Variants in CFAP47 observed in about 807,000 individuals in gnomAD.
CFAP47 encodes cilia- and flagella-associated protein 47.
A neutral mutation model predicts 148.1 loss-of-function variants in CFAP47; 29 were observed. The ratio of observed to expected loss-of-function variants is 0.20; its 90% confidence interval spans 0.15 to 0.27. The LOEUF is 0.27. CFAP47 is among the 10% of genes least tolerant of loss of function. CFAP47 has a pLI of 1.00. For synonymous variants in CFAP47, 664 were observed against 577.3 expected, an observed-to-expected ratio of 1.15 and a Z score of -2.15; for missense variants, 1,872 against 1,697.5, an observed-to-expected ratio of 1.10 and a Z score of -1.81.
intron 46 of CFAP47, among the ~76,000 whole-genome samples, chrX:36,230,327 T>C (rs1362254473): frequency 3.7e-5 from 4 of 108,098 alleles, no homozygotes; most frequent in South Asian, 8.3e-4. Context: ...TGGTATCTCA[T>C]TGTGGTTTTG....
intron 39 of CFAP47, among the ~76,000 whole-genome samples, chrX:36,165,565 C>A (rs184937846): frequency 8.2e-4 from 91 of 111,038 alleles, no homozygotes; most frequent in African/African-American, 2.7e-3. Context: ...ATATTACATA[C>A]CCAACAATAT....
intron 1 of CFAP47, among the ~76,000 whole-genome samples, chrX:35,923,071 A>C (rs772974470): frequency 9.0e-6 from 1 of 111,454 alleles, no homozygotes; most frequent in Non-Finnish European, 1.9e-5. Flanking sequence ...ATGGTGCTTA[A>C]CTAGTCCCTG....
chrX:36,098,158 A>T (rs1294580546), intron 30 of CFAP47, among the ~76,000 whole-genome samples: 1 of 111,879 alleles, frequency 8.9e-6, no homozygotes, highest in Non-Finnish European at 1.9e-5. Flanking sequence ...TGATTTTTTT[A>T]AATTATTTTA....
intron 56 of CFAP47, among the ~76,000 whole-genome samples, chrX:36,311,537 A>G (rs1556010008): frequency 9.0e-6 from 1 of 111,192 alleles, no homozygotes; most frequent in Admixed American, 9.6e-5. Flanking sequence ...GAGTTTTTTG[A>G]AACACATTTT....
chrX:35,923,149 A>G (rs773553766), intron 1 of CFAP47, among the ~76,000 whole-genome samples: 4 of 110,200 alleles, frequency 3.6e-5, no homozygotes, highest in Non-Finnish European at 7.6e-5. Flanking sequence ...CAGGAGAGGG[A>G]CTCTTTCTAG....
At chrX:36,218,033 C>A (rs1358586842) in intron 45 of CFAP47, among the ~76,000 whole-genome samples, 2 of 111,759 alleles carry the variant, frequency 1.8e-5, no homozygotes, top group Non-Finnish European at 1.9e-5. Context: ...ATTTTAAGTC[C>A]TAGAAAACAT....
At chrX:36,322,099 T>A (rs1408815711) in intron 57 of CFAP47, among the ~76,000 whole-genome samples, 1 of 111,364 alleles carries the variant, frequency 9.0e-6, no homozygotes, top group African/African-American at 3.3e-5. Flanking sequence ...TTTCCATTTT[T>A]TCTTGAATAA....
At chrX:35,946,235 A>G (rs1936084103) in intron 3 of CFAP47, among the ~76,000 whole-genome samples, 1 of 111,850 alleles carries the variant, frequency 8.9e-6, no homozygotes, top group East Asian at 2.8e-4. Flanking sequence ...GTTGTTAGCA[A>G]TTTAAAAAGC....
chrX:36,103,541 C>G (rs111774102), intron 32 of CFAP47, among the ~76,000 whole-genome samples: 879 of 87,570 alleles, frequency 0.01, 8 homozygotes, highest in African/African-American at 0.038. Context: ...ATCCCTCAAG[C>G]AGAGACTTAC....
At chrX:35,955,683 G>A (rs924538743) in intron 7 of CFAP47, among the ~76,000 whole-genome samples, 2 of 111,926 alleles carry the variant, frequency 1.8e-5, no homozygotes, top group Non-Finnish European at 3.8e-5. Flanking sequence ...TATTTTCTAT[G>A]AAATGCTGTG....
At chrX:36,184,039 C>A (rs958692295) in intron 40 of CFAP47, among the ~76,000 whole-genome samples, 1 of 110,206 alleles carries the variant, frequency 9.1e-6, no homozygotes, top group African/African-American at 3.3e-5. Context: ...CTCGAGGAAC[C>A]AATCATCAAG....
intron 3 of CFAP47, among the ~76,000 whole-genome samples, chrX:35,944,855 T>C (rs775799774): frequency 4.5e-5 from 5 of 112,201 alleles, no homozygotes; most frequent in African/African-American, 6.5e-5. Flanking sequence ...GTGGGTACCC[T>C]TATGTTTTAT....
intron 22 of CFAP47, among the ~76,000 whole-genome samples, chrX:36,024,518 T>C (rs1262985010): frequency 1.8e-5 from 2 of 111,496 alleles, no homozygotes; most frequent in Non-Finnish European, 3.8e-5. Context: ...AGGACTTACC[T>C]AGGAATTGCT....
intron 16 of CFAP47, among the ~76,000 whole-genome samples, chrX:35,991,028 C>T (rs1272795285): frequency 5.4e-5 from 6 of 111,602 alleles, no homozygotes; most frequent in Non-Finnish European, 1.1e-4. Flanking sequence ...AAGATTGACA[C>T]ATTAAAAACT....
chrX:36,245,294 A>T (rs899163754), intron 48 of CFAP47, among the ~76,000 whole-genome samples: 2 of 111,525 alleles, frequency 1.8e-5, no homozygotes, highest in Admixed American at 9.5e-5. Flanking sequence ...AGGATGCCAA[A>T]TTTCACCACT....
chrX:36,336,268 C>G (rs1556014833), intron 57 of CFAP47, among the ~76,000 whole-genome samples: 1 of 105,808 alleles, frequency 9.5e-6, no homozygotes, highest in African/African-American at 3.4e-5. Context: ...CACACACACA[C>G]ACACACACAC....
chrX:36,280,423 C>T, intron 49 of CFAP47, 64 bp from the exon 50 acceptor site: 1 of 407,925 alleles, frequency 2.5e-6, no homozygotes, highest in Non-Finnish European at 4.3e-6. Flanking sequence ...ATATCTGTAG[C>T]TTACCTTTTG....
chrX:36,110,608 T>C (rs1290317960), intron 33 of CFAP47, among the ~76,000 whole-genome samples: 1 of 112,156 alleles, frequency 8.9e-6, no homozygotes, highest in East Asian at 2.8e-4. Context: ...TTTGGTTCCA[T>C]ATGAATTTTA....
chrX:36,172,863 C>T (rs1939604624), intron 39 of CFAP47, among the ~76,000 whole-genome samples: 1 of 111,637 alleles, frequency 9.0e-6, no homozygotes, highest in African/African-American at 3.3e-5. Context: ...GGAATAGTTT[C>T]AGAAGGAATG....
Sources: allele counts gnomAD v4.1 joint callset (sites outside exome capture counted in the v4.1 genomes callset), GRCh38; gene constraint gnomAD v4.1.1; transcripts MANE v1.5; gene names NCBI Gene and HGNC (gene_info 2026-07-23, HGNC 2026-07-21).